PLEKHA3: variants seen among roughly 807,000 people sequenced by gnomAD.
PLEKHA3 encodes pleckstrin homology domain containing A3, also known as pleckstrin homology domain-containing family A member 3.
In PLEKHA3, 19 loss-of-function variants were observed where a neutral mutation model predicts 39.2. The observed-to-expected ratio is 0.48, with a 90% CI of 0.34 to 0.71. The LOEUF (loss-of-function observed/expected upper bound fraction) is 0.71. PLEKHA3 is among the 30% of genes least tolerant of loss of function. PLEKHA3 has a pLI of 0.01. For missense variants in PLEKHA3, 253 were observed against 359.5 expected, an observed-to-expected ratio of 0.70 and a Z score of 2.40; for synonymous variants, 97 against 118.6, an observed-to-expected ratio of 0.82 and a Z score of 1.18.
chr2:178,507,658 G>GTTTTTTTTTTTTTTTTTTTTTTTTTTTTT lies in PLEKHA3; in HGVS notation c.*3779_*3807dup, dbSNP rs35052196. The GTTTTTTTTTTTTTTTTTTTTTTTTTTTTT allele has an allele frequency of 3.5e-5, 1 of 28,804 alleles. No individual in the cohort carries two copies. The highest frequency in any genetic ancestry group is 9.5e-5 in the African/African-American group (1 of 10,502). The allele number at this position is 28,804 out of a possible 1,614,324, so 1.8% of individuals were successfully genotyped here. A position where few individuals can be genotyped will look rare whatever the true frequency, so the allele number is the denominator to read the frequency against. On this transcript the variant is annotated 3_prime_UTR_variant, in exon 8 of 8. Transcript: ENST00000234453. ...CCTTTAGTTTTTAGTCTCACATTAGGTTTTTTTTTTTTTTTTTTTTTTTTT... is the reference window on the plus strand; with the variant it reads ...CCTTTAGTTTTTAGTCTCACATTAGGTTTTTTTTTTTTTTTTTTTTTTTTTTTTTTTTTTTTTTTTTTTTTTTTTTTTTT...
intron 1 of PLEKHA3, among the ~76,000 whole-genome samples, chr2:178,483,977 T>C (rs992190578): frequency 2.0e-5 from 3 of 152,154 alleles, no homozygotes; most frequent in Non-Finnish European, 4.4e-5. Context: ...CTTGGGAGGC[T>C]GAGGTGGGAG....
Position 178,507,276 on chromosome 2 carries a change from A to T in PLEKHA3, c.*3389A>T, listed in dbSNP as rs1172501647. The T allele has an allele frequency of 6.6e-6, 1 of 152,118 alleles. No homozygotes were observed. The highest frequency in any genetic ancestry group is 2.4e-5 in the African/African-American group (1 of 41,428). 9.4% of individuals were successfully genotyped at this position (152,118 alleles called of 1,614,324 possible). A position where few individuals can be genotyped will look rare whatever the true frequency, so the allele number is the denominator to read the frequency against. On this transcript the variant is annotated 3_prime_UTR_variant, in exon 8 of 8. Transcript: ENST00000234453. The stretch of plus-strand genomic sequence containing the variant: ...CCCACCCCTCCCAAAATAGATTTAT[A>T]TTCACACAACTTTTAGTTAGAACAA...
rs1685729808 is a variant in PLEKHA3 at position 178,514,348 on chromosome 2, G to T, written c.*10461G>T. On this transcript the variant is annotated 3_prime_UTR_variant, in exon 8 of 8. Coordinates refer to ENST00000234453, the MANE Select transcript of PLEKHA3 (RefSeq NM_019091.4). ...AGAGGGTGTGGGGAATGGTGGCAGG[G>T]GTAACTATCATCGAGAATATAGGGC... is the stretch of plus-strand genomic sequence containing the variant. 1 of 151,826 alleles carries T rather than the reference G, an allele frequency of 6.6e-6. No homozygotes were observed. The highest frequency in any genetic ancestry group is 2.4e-5 in the African/African-American group (1 of 41,320). 9.4% of individuals were successfully genotyped at this position (151,826 alleles called of 1,614,324 possible).
rs1685596102 is a variant in PLEKHA3 at position 178,505,932 on chromosome 2, G to A, written c.*2045G>A. On this transcript the variant is annotated 3_prime_UTR_variant, in exon 8 of 8. Coordinates refer to ENST00000234453, the MANE Select transcript of PLEKHA3 (RefSeq NM_019091.4). ...TTATTGTTAGGAACCAAACACATCT[G>A]TGAAATCATTTTTTTTGTGGGAGTA... 1 of 151,982 alleles carries A rather than the reference G, an allele frequency of 6.6e-6. No individual in the cohort carries two copies. Among genetic ancestry groups the A allele is most frequent in the East Asian group, 1.9e-4 (1 of 5,200 alleles). The allele number at this position is 151,982 out of a possible 1,614,324, so 9.4% of individuals were successfully genotyped here.
chr2:178,484,586 C>T (rs778696736), intron 1 of PLEKHA3, among the ~76,000 whole-genome samples: 2 of 152,158 alleles, frequency 1.3e-5, no homozygotes, highest in Non-Finnish European at 2.9e-5. Context: ...GATCATGTGG[C>T]AGGCTATGGC....
rs1316958214 is a variant in PLEKHA3, at chr2:178,506,030, G to C, written c.*2143G>C. On this transcript the variant is annotated 3_prime_UTR_variant, in exon 8 of 8. Transcript: ENST00000234453. ...CATGAAGAAACCTATAAAGCTTAAG[G>C]GAACCTTGCATTTTGAGGAGTCCTT... is the stretch of plus-strand genomic sequence containing the variant. 2 of 151,930 alleles carry C rather than the reference G, an allele frequency of 1.3e-5. No homozygotes were observed. Among genetic ancestry groups the C allele is most frequent in the Non-Finnish European group, 2.9e-5 (2 of 67,952 alleles). The allele number at this position is 151,930 out of a possible 1,614,324, so 9.4% of individuals were successfully genotyped here. A position where few individuals can be genotyped will look rare whatever the true frequency, so the allele number is the denominator to read the frequency against.
chr2:178,482,493 C>T (rs1685183646), intron 1 of PLEKHA3, among the ~76,000 whole-genome samples: 1 of 146,000 alleles, frequency 6.8e-6, no homozygotes, highest in Non-Finnish European at 1.5e-5. Flanking sequence ...GAGCTAGGAT[C>T]AGTGAGCTAT....
intron 7 of PLEKHA3, among the ~76,000 whole-genome samples, chr2:178,501,668 T>C (rs1685531281): frequency 6.6e-6 from 1 of 151,984 alleles, no homozygotes; most frequent in South Asian, 2.1e-4. Context: ...CAGCATACTG[T>C]GATTGAATGT....
chr2:178,490,787 A>G lies in PLEKHA3; in HGVS notation c.286A>G (p.Thr96Ala), dbSNP rs772344029. The change falls in exon 3 of 8, where the codon ACT (threonine) becomes GCT (alanine). Residue 96 changes from threonine (T) to alanine (A), a missense_variant. Transcript: ENST00000234453. Reference sequence around the variant, plus strand: ...TCTGGGGAGCTCCAAAGCATGTTTGACTGATACAAGGACTAAAAAAGAAAA... The same window carrying G: ...TCTGGGGAGCTCCAAAGCATGTTTGGCTGATACAAGGACTAAAAAAGAAAA... The part of the protein sequence containing the change: ...VALGSSKACL[T>A]DTRTKKEKEI... 6.2e-6 allele frequency: 10 copies of G among 1,613,850 alleles called. No homozygotes were observed. Among genetic ancestry groups the G allele is most frequent in the Non-Finnish European group, 6.8e-6 (8 of 1,179,860 alleles).
At chr2:178,489,799 CT>C (rs1288089766) in intron 2 of PLEKHA3, among the ~76,000 whole-genome samples, 2 of 152,088 alleles carry the variant, frequency 1.3e-5, no homozygotes, top group Admixed American at 6.5e-5. Context: ...TTCTTGAAGC[CT>C]TTTTAAATTA....
At chr2:178,498,280 T>A (rs1015870087) in intron 5 of PLEKHA3, among the ~76,000 whole-genome samples, 15 of 152,234 alleles carry the variant, frequency 9.9e-5, no homozygotes, top group African/African-American at 3.4e-4. Context: ...TGCATCTTAA[T>A]GTCAATCTTA....
chr2:178,492,087 A>G (rs76415010), intron 3 of PLEKHA3, among the ~76,000 whole-genome samples: 3,140 of 152,222 alleles, frequency 0.021, 53 homozygotes, highest in East Asian at 0.04. Context: ...ACCATAGTAC[A>G]GTTATTTGAT....
intron 1 of PLEKHA3, among the ~76,000 whole-genome samples, chr2:178,482,227 T>C (rs373384119): frequency 2.2e-4 from 33 of 152,100 alleles, no homozygotes; most frequent in Non-Finnish European, 7.4e-5. Flanking sequence ...AGTTATACTG[T>C]TTGGTTGAGG....
intron 3 of PLEKHA3, among the ~76,000 whole-genome samples, chr2:178,492,641 A>AC (rs1685369079): frequency 6.6e-6 from 1 of 151,974 alleles, no homozygotes; most frequent in Admixed American, 6.6e-5. Context: ...AAAAAAAAAA[A>AC]AAGCTAATCA....
chr2:178,499,183 T>A (rs1415899732), intron 5 of PLEKHA3, 28 bp from the exon 6 acceptor site: 2 of 402,948 alleles, frequency 5.0e-6, no homozygotes, highest in Non-Finnish European at 7.5e-6. Context: ...ATTATGCTAA[T>A]TTTTTTTTTT....
rs562351852 is a variant in PLEKHA3, at chr2:178,500,299, A to G, written c.660-762A>G. Among the ~76,000 whole-genome samples, 7 of 152,240 alleles carry G rather than the reference A, an allele frequency of 4.6e-5. No homozygotes were observed. The East Asian group carries it at 1.2e-3, about 25-fold the overall frequency. On this transcript the variant is annotated intron_variant, in intron 6 of 7. Transcript: ENST00000234453. ...ATTAAACTGTCAAATACTCAGAGGAATCCAATGATGTATATATCCAACCTT... is the reference window on the plus strand; with the variant it reads ...ATTAAACTGTCAAATACTCAGAGGAGTCCAATGATGTATATATCCAACCTT...
intron 5 of PLEKHA3, among the ~76,000 whole-genome samples, chr2:178,497,111 G>A (rs1305135985): frequency 6.6e-6 from 1 of 151,746 alleles, no homozygotes; most frequent in Non-Finnish European, 1.5e-5. Context: ...ATGCTGAAGT[G>A]TATTATGAAT....
Position 178,503,991 on chromosome 2 carries a change from T to A in PLEKHA3, c.*104T>A. 7 of 1,227,928 alleles carry A rather than the reference T, an allele frequency of 5.7e-6. 1 individual carries two copies. In the South Asian group the frequency reaches 1.1e-4, roughly 19 times the overall value. The allele number at this position is 1,227,928 out of a possible 1,614,324, so 76.1% of individuals were successfully genotyped here. A position where few individuals can be genotyped will look rare whatever the true frequency, so the allele number is the denominator to read the frequency against. On this transcript the variant is annotated 3_prime_UTR_variant, in exon 8 of 8. Coordinates refer to ENST00000234453, the MANE Select transcript of PLEKHA3 (RefSeq NM_019091.4). ...TTTTTTCCCTTAGGACTCTGCACTT[T>A]ATAGAATGTTGTAAAACAGACAAAC...
At chr2:178,491,345 G>A (rs1170665935) in intron 3 of PLEKHA3, among the ~76,000 whole-genome samples, 1 of 152,206 alleles carries the variant, frequency 6.6e-6, no homozygotes, top group African/African-American at 2.4e-5. Context: ...TATATAGACA[G>A]TAAGATGTTG....
Sources: allele counts gnomAD v4.1 joint callset (sites outside exome capture counted in the v4.1 genomes callset), GRCh38; gene constraint gnomAD v4.1.1; transcripts MANE v1.5; gene names NCBI Gene and HGNC (gene_info 2026-07-23, HGNC 2026-07-21).